The following CNTNAP5 variants were observed in gnomAD, a reference collection of about 807,000 sequenced individuals.
CNTNAP5 encodes contactin associated protein family member 5.
CNTNAP5 carries 72 observed loss-of-function variants against 150.2 expected under a neutral mutation model. That is an observed-to-expected ratio of 0.48 (90% CI 0.40 to 0.58). The LOEUF is 0.58. CNTNAP5 is among the 20% of genes least tolerant of loss of function. CNTNAP5 has a pLI of 0.00. For missense variants in CNTNAP5, 1,636 were observed against 1,626.2 expected (o/e 1.01, Z -0.10); for synonymous variants, 672 against 619.8 (o/e 1.08, Z -1.25).
chr2:124,408,325 C>A (rs1165444831), intron 3 of CNTNAP5, among the ~76,000 whole-genome samples: 1 of 152,200 alleles, frequency 6.6e-6, no homozygotes, highest in Middle Eastern at 3.2e-3. Context: ...CCGCCATTGC[C>A]CAGGCTTGCT....
intron 8 of CNTNAP5, among the ~76,000 whole-genome samples, chr2:124,517,936 G>T (rs1694765641): frequency 6.6e-6 from 1 of 151,342 alleles, no homozygotes; most frequent in Non-Finnish European, 1.5e-5. Context: ...GTGATGGAGG[G>T]TGATGATGTT....
intron 3 of CNTNAP5, among the ~76,000 whole-genome samples, chr2:124,347,979 C>T (rs1031444164): frequency 6.6e-6 from 1 of 152,052 alleles, no homozygotes; most frequent in Non-Finnish European, 1.5e-5. Flanking sequence ...AGGCACCTGC[C>T]ACCACGCCCG....
intron 21 of CNTNAP5, among the ~76,000 whole-genome samples, chr2:124,893,854 G>C (rs1678250575): frequency 6.6e-6 from 1 of 152,078 alleles, no homozygotes; most frequent in African/African-American, 2.4e-5. Context: ...ATAGAGGCCA[G>C]TATACGACTC....
intron 13 of CNTNAP5, among the ~76,000 whole-genome samples, chr2:124,683,852 T>G (rs1421369786): frequency 6.6e-6 from 1 of 152,226 alleles, no homozygotes; most frequent in Non-Finnish European, 1.5e-5. Context: ...TAACGTTTAT[T>G]GCCTGACTAA....
intron 1 of CNTNAP5, among the ~76,000 whole-genome samples, chr2:124,140,007 C>T (rs967863568): frequency 1.3e-5 from 2 of 152,226 alleles, no homozygotes; most frequent in South Asian, 4.1e-4. Flanking sequence ...GTTCCCTTTC[C>T]GAGTCAAAGA....
intron 1 of CNTNAP5, among the ~76,000 whole-genome samples, chr2:124,060,211 C>A (rs946273861): frequency 2.0e-5 from 3 of 152,098 alleles, no homozygotes; most frequent in Non-Finnish European, 2.9e-5. Context: ...GATGCCTATA[C>A]CCACTTGTAT....
At chr2:124,492,784 T>C (rs1694061494) in intron 7 of CNTNAP5, among the ~76,000 whole-genome samples, 1 of 152,184 alleles carries the variant, frequency 6.6e-6, no homozygotes, top group South Asian at 2.1e-4. Flanking sequence ...GTTGTTAGTG[T>C]ATAGAAATTC....
rs564058777 is a variant in CNTNAP5, at chr2:124,079,816, T to C, written c.82+54084T>C. Among the ~76,000 whole-genome samples the C allele has an allele frequency of 2.0e-5, 3 of 152,178 alleles. 1 individual carries two copies. The South Asian group carries it at 6.2e-4, about 32-fold the overall frequency. On this transcript the variant is annotated intron_variant, in intron 1 of 23. Coordinates refer to ENST00000682447, the MANE Select transcript of CNTNAP5 (RefSeq NM_001367498.1). ...ACTTGGAAAGCCACTGACAAATAGG[T>C]TCAAAATGCAGGCTCAATAATGCTC...
In CNTNAP5 at chr2:124,711,923, A is replaced by T. The variant is rs905514661; in HGVS notation, c.2078-35306A>T. Among the ~76,000 whole-genome samples the T allele has an allele frequency of 2.6e-5, 4 of 152,154 alleles. No homozygotes were observed. In the South Asian group the frequency reaches 8.3e-4, roughly 32 times the overall value. On this transcript the variant is annotated intron_variant, in intron 13 of 23. Coordinates refer to ENST00000682447, the MANE Select transcript of CNTNAP5 (RefSeq NM_001367498.1). ...ACCTCATCACAGATAAGTAATTTCT[A>T]TTTTTTACTATTTTCCTTAAGCCTG...
chr2:124,786,404 AAGGAAGGAAGGAAGGAAGGAAG>A (rs1681585313), intron 17 of CNTNAP5, among the ~76,000 whole-genome samples: 4 of 92,430 alleles, frequency 4.3e-5, no homozygotes, highest in South Asian at 4.3e-4. Context: ...AGAAAGAAGG[AAGGAAGGAAGGAAGGAAGGAAG>A]GAAGGAAGGA....
At chr2:124,776,644 T>C (rs1681330788) in intron 17 of CNTNAP5, among the ~76,000 whole-genome samples, 1 of 152,188 alleles carries the variant, frequency 6.6e-6, no homozygotes, top group Admixed American at 6.6e-5. Flanking sequence ...GAGTGCCTCA[T>C]GAAGATAGCC....
At chr2:124,211,931 G>C (rs1040676153) in intron 1 of CNTNAP5, among the ~76,000 whole-genome samples, 4 of 152,170 alleles carry the variant, frequency 2.6e-5, no homozygotes, top group African/African-American at 9.7e-5. Context: ...GTGTAATTTA[G>C]AAACACTCAA....
chr2:124,457,412 A>G (rs1259149882), intron 6 of CNTNAP5, among the ~76,000 whole-genome samples: 2 of 152,258 alleles, frequency 1.3e-5, no homozygotes, highest in Non-Finnish European at 2.9e-5. Context: ...TCTTTGTGAC[A>G]TCTGACAAAG....
At chr2:124,026,244 T>A (rs1256650916) in intron 1 of CNTNAP5, among the ~76,000 whole-genome samples, 1 of 152,172 alleles carries the variant, frequency 6.6e-6, no homozygotes, top group Non-Finnish European at 1.5e-5. Context: ...TTGCAACCAA[T>A]GGGCACCGGT....
At chr2:124,242,071 A>C in intron 2 of CNTNAP5, 129 bp from the exon 3 acceptor site, 2 of 670,572 alleles carry the variant, frequency 3.0e-6, no homozygotes, top group Non-Finnish European at 5.2e-6. Flanking sequence ...GAGGCAGGGA[A>C]GAGTAGGGCC....
chr2:124,260,761 T>G lies in CNTNAP5; in HGVS notation c.381+18368T>G, dbSNP rs538565001. 5.9e-5 allele frequency among the ~76,000 whole-genome samples: 9 copies of G among 152,284 alleles called. No individual in the cohort carries two copies. The South Asian group carries it at 1.9e-3, about 32-fold the overall frequency. ...TTTTAGCTTTAAAAGGAAACATTCA[T>G]TCATTCACAGAGTAAGAGCTGTACA... On this transcript the variant is annotated intron_variant, in intron 3 of 23. Coordinates refer to ENST00000682447, the MANE Select transcript of CNTNAP5 (RefSeq NM_001367498.1).
At chr2:124,478,250 C>T (rs1693688789) in intron 7 of CNTNAP5, among the ~76,000 whole-genome samples, 1 of 152,050 alleles carries the variant, frequency 6.6e-6, no homozygotes, top group African/African-American at 2.4e-5. Flanking sequence ...GACTTTTAAA[C>T]TACTATAGCA....
rs564681239 is a variant in CNTNAP5 at position 124,250,442 on chromosome 2, G to A, written c.381+8049G>A. 2.0e-5 allele frequency among the ~76,000 whole-genome samples: 3 copies of A among 152,286 alleles called. No individual in the cohort carries two copies. In the East Asian group the frequency reaches 5.8e-4, roughly 29 times the overall value. Reference sequence around the variant, plus strand: ...AGGTGTATGTGATGTGCCTGGGGGAGAGGCCCAGAGGACACTGGCTCTCAG... The same window carrying A: ...AGGTGTATGTGATGTGCCTGGGGGAAAGGCCCAGAGGACACTGGCTCTCAG... On this transcript the variant is annotated intron_variant, in intron 3 of 23. Transcript: ENST00000682447.
chr2:124,414,723 G>A (rs1024945099), intron 3 of CNTNAP5, among the ~76,000 whole-genome samples: 5 of 110,264 alleles, frequency 4.5e-5, no homozygotes, highest in South Asian at 2.7e-4. Context: ...GTGTGTGTGC[G>A]TGTGTGTGTG....
Sources: allele counts gnomAD v4.1 joint callset (sites outside exome capture counted in the v4.1 genomes callset), GRCh38; gene constraint gnomAD v4.1.1; transcripts MANE v1.5; gene names NCBI Gene and HGNC (gene_info 2026-07-23, HGNC 2026-07-21).